EXOC4: variants seen among roughly 807,000 people sequenced by gnomAD.
EXOC4 encodes SEC8-like 1.
In EXOC4, 71 loss-of-function variants were observed where a neutral mutation model predicts 107.2. The ratio of observed to expected loss-of-function variants is 0.66; its 90% CI spans 0.55 to 0.81. EXOC4 has a LOEUF of 0.81. EXOC4 is among the 30% of genes least tolerant of loss of function. The pLI, the probability that EXOC4 is intolerant of heterozygous loss-of-function variation, is 0.00. For missense variants in EXOC4, 1,108 were observed against 1,189.6 expected (o/e 0.93, Z 1.01); for synonymous variants, 456 against 441.2 (o/e 1.03, Z -0.42).
chr7:133,604,180 A>T (rs1801877232), intron 9 of EXOC4, among the ~76,000 whole-genome samples: 1 of 152,184 alleles, frequency 6.6e-6, no homozygotes, highest in Non-Finnish European at 1.5e-5. Flanking sequence ...AGCTCTTATG[A>T]TAACAGTGCC....
At chr7:133,779,791 G>T (rs1796423181) in intron 10 of EXOC4, among the ~76,000 whole-genome samples, 1 of 152,120 alleles carries the variant, frequency 6.6e-6, no homozygotes, top group Admixed American at 6.5e-5. Flanking sequence ...CTGTAAAATG[G>T]ACCAATCAGC....
At chr7:133,593,176 A>G (rs1349425728) in intron 9 of EXOC4, among the ~76,000 whole-genome samples, 1 of 152,238 alleles carries the variant, frequency 6.6e-6, no homozygotes, top group Non-Finnish European at 1.5e-5. Context: ...ACAGTTGTCA[A>G]TTCTGTACCA....
intron 7 of EXOC4, among the ~76,000 whole-genome samples, chr7:133,401,539 G>C (rs1797089887): frequency 6.6e-6 from 1 of 151,784 alleles, no homozygotes; most frequent in Non-Finnish European, 1.5e-5. Context: ...GCATGGGCCT[G>C]TAGTCCCAGC....
At chr7:133,666,833 T>C (rs1351711399) in intron 10 of EXOC4, among the ~76,000 whole-genome samples, 1 of 152,208 alleles carries the variant, frequency 6.6e-6, no homozygotes, top group Non-Finnish European at 1.5e-5. Context: ...CAAAGATTTT[T>C]TCCTTCTTCA....
chr7:133,615,054 G>C (rs1802162315), intron 9 of EXOC4, among the ~76,000 whole-genome samples: 1 of 152,122 alleles, frequency 6.6e-6, no homozygotes, highest in African/African-American at 2.4e-5. Context: ...TTATGACATG[G>C]ACCCTTCTAT....
chr7:133,861,131 T>C (rs941202264), intron 11 of EXOC4, among the ~76,000 whole-genome samples: 19 of 152,134 alleles, frequency 1.2e-4, no homozygotes, highest in African/African-American at 4.3e-4. Context: ...GAAGAGAAGA[T>C]TCCTTCAATG....
chr7:134,069,357 T>C (rs563191643), downstream of EXOC4, among the ~76,000 whole-genome samples: 14 of 140,932 alleles, frequency 9.9e-5, no homozygotes, highest in East Asian at 9.0e-4. Flanking sequence ...TCCTTCTCCT[T>C]CTTCCTCCTC....
chr7:133,653,968 C>G (rs1437979370), intron 10 of EXOC4, among the ~76,000 whole-genome samples: 1 of 152,166 alleles, frequency 6.6e-6, no homozygotes, highest in Non-Finnish European at 1.5e-5. Flanking sequence ...AATTAAGAAA[C>G]CTAGTCGGGA....
intron 14 of EXOC4, among the ~76,000 whole-genome samples, chr7:133,963,111 C>T (rs1188315123): frequency 2.6e-5 from 4 of 152,252 alleles, no homozygotes; most frequent in Non-Finnish European, 5.9e-5. Context: ...CTGTGGCTGC[C>T]TTCCCTGTCC....
intron 11 of EXOC4, among the ~76,000 whole-genome samples, chr7:133,854,686 C>A (rs1288684841): frequency 6.6e-6 from 1 of 151,616 alleles, no homozygotes; most frequent in Admixed American, 6.6e-5. Context: ...GACCCCAAGG[C>A]ACTTTAAACT....
At chr7:133,424,399 A>G (rs1050145984) in intron 7 of EXOC4, among the ~76,000 whole-genome samples, 3 of 151,974 alleles carry the variant, frequency 2.0e-5, no homozygotes, top group African/African-American at 7.3e-5. Context: ...GAAGGTCTGC[A>G]GCCTCACTCT....
intron 11 of EXOC4, among the ~76,000 whole-genome samples, chr7:133,875,063 G>T (rs1798821198): frequency 6.6e-6 from 1 of 152,220 alleles, no homozygotes; most frequent in South Asian, 2.1e-4. Flanking sequence ...ATGCGAATCT[G>T]AGATACATGA....
chr7:133,737,486 A>G (rs1795468398), intron 10 of EXOC4, among the ~76,000 whole-genome samples: 1 of 151,984 alleles, frequency 6.6e-6, no homozygotes, highest in South Asian at 2.1e-4. Context: ...TTAGGCAGGA[A>G]AATTTTTGCC....
rs1457028239 is a variant in EXOC4, at chr7:133,794,130, T to G, written c.1515-23195T>G. Among the ~76,000 whole-genome samples the G allele has an allele frequency of 4.6e-5, 7 of 152,338 alleles. 1 individual carries two copies. The South Asian group carries it at 1.4e-3, about 32-fold the overall frequency. On this transcript the variant is annotated intron_variant, in intron 10 of 17. Transcript: ENST00000253861. ...TCCTCATATGTCTAGTTCATTTTTT[T>G]GCTACTAAGTGGTTTGGGCTTTTTT...
intron 9 of EXOC4, among the ~76,000 whole-genome samples, chr7:133,625,045 T>A (rs900464246): frequency 6.6e-6 from 1 of 152,236 alleles, no homozygotes; most frequent in African/African-American, 2.4e-5. Flanking sequence ...AATCTTTCAC[T>A]TACAGTAATA....
intron 14 of EXOC4, among the ~76,000 whole-genome samples, chr7:133,953,451 A>T (rs1358042569): frequency 6.6e-6 from 1 of 151,424 alleles, no homozygotes; most frequent in African/African-American, 2.4e-5. Context: ...GAAAAAAAAA[A>T]TTAATTAGCC....
At chr7:133,588,910 G>A (rs1563118387) in intron 9 of EXOC4, among the ~76,000 whole-genome samples, 1 of 151,768 alleles carries the variant, frequency 6.6e-6, no homozygotes, top group Non-Finnish European at 1.5e-5. Flanking sequence ...ATATGTATGT[G>A]TATATATATG....
At chr7:133,556,028 T>C (rs1351404792) in intron 9 of EXOC4, among the ~76,000 whole-genome samples, 1 of 152,208 alleles carries the variant, frequency 6.6e-6, no homozygotes, top group Non-Finnish European at 1.5e-5. Flanking sequence ...TTGTTTGTTG[T>C]AACTTTAATG....
intron 17 of EXOC4, among the ~76,000 whole-genome samples, chr7:134,038,226 T>G (rs573205871): frequency 3.3e-5 from 5 of 152,212 alleles, no homozygotes; most frequent in African/African-American, 4.8e-5. Flanking sequence ...TCAGGCGGAT[T>G]GGCATTGCTG....
Sources: gnomAD v4.1 joint callset for allele counts (sites outside exome capture counted in the v4.1 genomes callset) on GRCh38, gnomAD v4.1.1 for gene constraint, MANE v1.5 for transcripts, NCBI Gene and HGNC (gene_info 2026-07-23, HGNC 2026-07-21) for gene names.